VPS13B: variants seen among roughly 807,000 people sequenced by gnomAD.
VPS13B encodes intermembrane lipid transfer protein VPS13B.
Under a neutral mutation model 426.4 loss-of-function variants are expected in VPS13B, and 285 were observed. The ratio of observed to expected loss-of-function variants is 0.67; its 90% CI spans 0.61 to 0.74. The LOEUF is 0.74. VPS13B is among the 30% of genes least tolerant of loss of function. The pLI is 0.00. For missense variants in VPS13B, 4,537 were observed against 4,782.6 expected, an observed-to-expected ratio of 0.95 and a Z score of 1.51; for synonymous variants, 1,676 against 1,676.4, an observed-to-expected ratio of 1.00 and a Z score of 0.01.
At chr8:99,488,850 G>C (rs1279811111) in intron 25 of VPS13B, among the ~76,000 whole-genome samples, 1 of 152,110 alleles carries the variant, frequency 6.6e-6, no homozygotes, top group African/African-American at 2.4e-5. Context: ...TCACTCTGAT[G>C]AGAGTTTCTT....
At chr8:99,077,389 C>T (rs768381340) in intron 3 of VPS13B, among the ~76,000 whole-genome samples, 1 of 152,000 alleles carries the variant, frequency 6.6e-6, no homozygotes, top group South Asian at 2.1e-4. Flanking sequence ...AGGCTGGTCT[C>T]GAACTCCCGA....
intron 19 of VPS13B, among the ~76,000 whole-genome samples, chr8:99,290,808 G>A (rs1056036083): frequency 5.3e-5 from 8 of 152,016 alleles, no homozygotes; most frequent in Admixed American, 2.0e-4. Context: ...TTAATTAAGG[G>A]TTGGAGAAGA....
chr8:99,853,586 C>T lies in VPS13B; in HGVS notation c.10197C>T (p.Ala3399=), dbSNP rs1816400490. 1 of 1,614,176 alleles carries T rather than the reference C, an allele frequency of 6.2e-7. No homozygotes were observed. Among genetic ancestry groups the T allele is most frequent in the Non-Finnish European group, 8.5e-7 (1 of 1,180,036 alleles). ...TGGACAACATTTTTCTCTGTGTGGC[C>T]CCGGGAGCTGGTCCCCTCCCTGGGG... ...LTLDNIFLCV[A]PGAGPLPGEE... The change falls in exon 56 of 62, where the codon GCC becomes GCT. Residue 3399 remains alanine (A), a synonymous_variant. Transcript: ENST00000357162.
chr8:99,658,358 T>G (rs976198711), intron 34 of VPS13B, among the ~76,000 whole-genome samples: 6 of 151,992 alleles, frequency 3.9e-5, no homozygotes, highest in African/African-American at 1.4e-4. Flanking sequence ...GAAAAAGAAC[T>G]CAAGAGAAAA....
intron 17 of VPS13B, among the ~76,000 whole-genome samples, chr8:99,253,085 G>A (rs1817580788): frequency 6.6e-6 from 1 of 151,944 alleles, no homozygotes; most frequent in Admixed American, 6.6e-5. Flanking sequence ...TGGAATCGTG[G>A]AATATGTAAT....
chr8:99,875,903 G>C lies in VPS13B; in HGVS notation c.*237G>C. 3 of 559,818 alleles carry C rather than the reference G, an allele frequency of 5.4e-6. No individual in the cohort carries two copies. The highest frequency in any genetic ancestry group is 9.5e-6 in the Non-Finnish European group (3 of 314,584). The allele number at this position is 559,818 out of a possible 1,614,324, so 34.7% of individuals were successfully genotyped here. A position where few individuals can be genotyped will look rare whatever the true frequency, so the allele number is the denominator to read the frequency against. On this transcript the variant is annotated 3_prime_UTR_variant, in exon 62 of 62. Transcript: ENST00000357162. ...AGGCAGCTCTAACATCATCTGATAT[G>C]GACACAAGGCCAACAGTTTCCTTAT...
At chr8:99,190,285 CT>C (rs1014189077) in intron 16 of VPS13B, among the ~76,000 whole-genome samples, 15 of 150,560 alleles carry the variant, frequency 1.0e-4, no homozygotes, top group East Asian at 3.9e-4. Context: ...CTTCATGCCC[CT>C]ATCCCCTTAA....
chr8:99,634,162 C>A (rs1828977383), intron 33 of VPS13B, among the ~76,000 whole-genome samples: 1 of 151,970 alleles, frequency 6.6e-6, no homozygotes, highest in Non-Finnish European at 1.5e-5. Flanking sequence ...CAGATAAAAT[C>A]TCAACAGGAA....
At chr8:99,119,760 A>G (rs982860326) in intron 7 of VPS13B, among the ~76,000 whole-genome samples, 16 of 152,244 alleles carry the variant, frequency 1.1e-4, no homozygotes, top group Non-Finnish European at 1.9e-4. Flanking sequence ...TTTTTGAGTA[A>G]GAAAACCTGT....
chr8:99,739,828 C>A (rs895262098), intron 39 of VPS13B, among the ~76,000 whole-genome samples: 3 of 152,018 alleles, frequency 2.0e-5, no homozygotes, highest in African/African-American at 7.3e-5. Flanking sequence ...CTGTACGTCA[C>A]CAAAATCAAA....
intron 24 of VPS13B, among the ~76,000 whole-genome samples, chr8:99,469,196 G>T (rs1236102529): frequency 2.1e-5 from 3 of 142,192 alleles, no homozygotes; most frequent in Admixed American, 7.3e-5. Flanking sequence ...TTGACACAGG[G>T]TCTTACTTGG....
In VPS13B at chr8:99,776,797, C is replaced by T. The variant is rs1811762841; in HGVS notation, c.7270C>T (p.Gln2424Ter). Residue 2424 changes from glutamine to a stop codon, truncating the protein, a stop_gained, in exon 41 of 62, where the codon CAA (glutamine) becomes TAA (stop). Coordinates refer to ENST00000357162, the MANE Select transcript of VPS13B (RefSeq NM_152564.5). LOFTEE classifies it high-confidence loss of function. ...TAGCTCTGCAAGTGAGTCTGGTTCT[C>T]AAAGCACTTGTGATCCACTTGTGAC... ...DQSSASESGS[Q>*]STCDPLVTPT... The T allele has an allele frequency of 6.8e-6, 11 of 1,614,018 alleles. No individual in the cohort carries two copies. Among genetic ancestry groups the T allele is most frequent in the Non-Finnish European group, 9.3e-6 (11 of 1,179,940 alleles).
chr8:99,668,719 C>G (rs964231998), intron 35 of VPS13B, among the ~76,000 whole-genome samples: 34 of 152,080 alleles, frequency 2.2e-4, no homozygotes, highest in Non-Finnish European at 2.5e-4. Context: ...TTGGAGAAAC[C>G]TGGAAAACAG....
intron 43 of VPS13B, among the ~76,000 whole-genome samples, chr8:99,786,379 T>G (rs551931962): frequency 6.6e-6 from 1 of 152,272 alleles, no homozygotes; most frequent in African/African-American, 2.4e-5. Flanking sequence ...AGGACTGAAT[T>G]CCTTATCTTT....
chr8:99,856,523 G>T (rs1398964900), intron 56 of VPS13B, among the ~76,000 whole-genome samples: 1 of 152,196 alleles, frequency 6.6e-6, no homozygotes, highest in African/African-American at 2.4e-5. Context: ...GGAAGTTGTG[G>T]TATCAACTTG....
At chr8:99,857,930 C>G (rs965242199) in intron 56 of VPS13B, among the ~76,000 whole-genome samples, 1 of 152,228 alleles carries the variant, frequency 6.6e-6, no homozygotes, top group African/African-American at 2.4e-5. Flanking sequence ...TCCTAACGTT[C>G]CAGAGAAGGG....
intron 30 of VPS13B, among the ~76,000 whole-genome samples, chr8:99,529,024 TATAA>T (rs915850784): frequency 1.6e-4 from 24 of 152,224 alleles, no homozygotes; most frequent in African/African-American, 5.1e-4. Context: ...TTTAAAAATT[TATAA>T]ATAAATTTTC....
chr8:99,073,423 T>G (rs935092468), intron 3 of VPS13B, among the ~76,000 whole-genome samples: 1 of 152,190 alleles, frequency 6.6e-6, no homozygotes, highest in African/African-American at 2.4e-5. Context: ...TCGTAGTTTT[T>G]ATTGTAGAGT....
At chr8:99,713,022 T>C (rs1027217721) in intron 36 of VPS13B, among the ~76,000 whole-genome samples, 1 of 152,200 alleles carries the variant, frequency 6.6e-6, no homozygotes, top group Non-Finnish European at 1.5e-5. Flanking sequence ...TCAGTACTAG[T>C]TCTTTTAAGA....
Sources: gnomAD v4.1 joint callset for allele counts (sites outside exome capture counted in the v4.1 genomes callset) on GRCh38, gnomAD v4.1.1 for gene constraint, MANE v1.5 for transcripts, NCBI Gene and HGNC (gene_info 2026-07-23, HGNC 2026-07-21) for gene names.